Variants in ATP1A3 observed in about 807,000 individuals in gnomAD.
ATP1A3 encodes ATPase Na+/K+ transporting subunit alpha 3, also known as sodium/potassium-transporting ATPase subunit alpha-3.
ATP1A3 carries 12 observed loss-of-function variants against 108.8 expected under a neutral mutation model. The ratio of observed to expected loss-of-function variants is 0.11; its 90% CI spans 0.07 to 0.18. The LOEUF is 0.18. Ranked by LOEUF, ATP1A3 falls within the 10% of genes least tolerant of loss-of-function variation. The pLI is 1.00. For synonymous variants in ATP1A3, 539 were observed against 564.5 expected, an observed-to-expected ratio of 0.95 and a Z score of 0.64; for missense variants, 498 against 1,387.7, an observed-to-expected ratio of 0.36 and a Z score of 10.19.
chr19:41,983,391 C>G (rs1159647451), intron 8 of ATP1A3, among the ~76,000 whole-genome samples: 2 of 151,598 alleles, frequency 1.3e-5, no homozygotes, highest in African/African-American at 4.8e-5. Flanking sequence ...ATATGGAAAA[C>G]TTCACATAAA....
chr19:41,984,802 C>T, intron 8 of ATP1A3, 116 bp downstream of exon 8: 1 of 1,264,754 alleles, frequency 7.9e-7, no homozygotes, highest in Admixed American at 2.4e-5. Context: ...CGGGTCCAGG[C>T]CTCTAGCCCC....
rs550881791 is a variant in ATP1A3, at chr19:41,967,610, G to T, written c.2921+52C>A. ...AGGTTCAGGCTGAGTCTAAGGGAAG[G>T]CTCCATGGCAGGCGCTGGTGTGGGC... is the stretch of plus-strand genomic sequence containing the variant. On this transcript the variant is annotated intron_variant, in intron 21 of 22. Coordinates refer to ENST00000648268, the MANE Select transcript of ATP1A3 (RefSeq NM_152296.5). The surrounding 1 kb of genome is among the most constrained non-coding windows in gnomAD (Gnocchi z 4.2). 50 of 1,580,544 alleles carry T rather than the reference G, an allele frequency of 3.2e-5. No individual in the cohort carries two copies. In the East Asian group the frequency reaches 9.9e-4, roughly 31 times the overall value.
Position 41,987,930 on chromosome 19 carries a change from A to G in ATP1A3, c.357+6T>C, listed in dbSNP as rs781933232. ...GCCTTGCACAGGGCAGGGTCCAGGC[A>G]CTCACGTTGTCACCAGAGGGGTCGT... On this transcript the variant is annotated splice_donor_region_variant and intron_variant, in intron 4 of 22. Transcript: ENST00000648268. The G allele has an allele frequency of 6.2e-7, 1 of 1,613,134 alleles. No homozygotes were observed. Among genetic ancestry groups the G allele is most frequent in the Non-Finnish European group, 8.5e-7 (1 of 1,179,956 alleles).
chr19:41,990,685 T>C lies in ATP1A3; in HGVS notation c.7-2123A>G, dbSNP rs1275825767. 2.0e-5 allele frequency among the ~76,000 whole-genome samples: 3 copies of C among 151,624 alleles called. No individual in the cohort carries two copies. The East Asian group carries it at 5.8e-4, about 30-fold the overall frequency. ...CTCTCTCTCTCTGTCCATATATATA[T>C]ATATATATATCTGTCTCTTTTTGTA... On this transcript the variant is annotated intron_variant, in intron 1 of 22. Coordinates refer to ENST00000648268, the MANE Select transcript of ATP1A3 (RefSeq NM_152296.5).
At chr19:41,975,830 A>G (rs1238642764) in intron 15 of ATP1A3, 33 bp from the exon 16 acceptor site, 4 of 1,609,118 alleles carry the variant, frequency 2.5e-6, no homozygotes, top group Non-Finnish European at 3.4e-6. Flanking sequence ...TGACACCCAG[A>G]GGCCAGTCCC....
chr19:41,984,237 AT>A (rs2075264657), intron 8 of ATP1A3: 1 of 150,756 alleles, frequency 6.6e-6, no homozygotes, highest in Non-Finnish European at 1.5e-5. Context: ...TTATTTATTT[AT>A]TTTTGAGATG....
chr19:41,970,656 G>T (rs1411135091), intron 16 of ATP1A3, 114 bp from the exon 17 acceptor site: 24 of 1,174,454 alleles, frequency 2.0e-5, no homozygotes, highest in Non-Finnish European at 2.8e-5. Context: ...TTTTGAGACA[G>T]AGTCTCGCTG....
Position 41,970,239 on chromosome 19 carries a change from G to T in ATP1A3, c.2488C>A (p.Arg830=), listed in dbSNP as rs782313309. 4 of 1,614,218 alleles carry T rather than the reference G, an allele frequency of 2.5e-6. No homozygotes were observed. The South Asian group carries it at 3.3e-5, about 13-fold the overall frequency. ...CTCTCATTGACCAATTTGTCCGTCCGCGGGTTCCTGGGCTGTCTCTTCATG... is the reference window on the plus strand; with the variant it reads ...CTCTCATTGACCAATTTGTCCGTCCTCGGGTTCCTGGGCTGTCTCTTCATG... ...DIMKRQPRNP[R]TDKLVNERLI... The change falls in exon 18 of 23, where the codon CGG becomes AGG. Residue 830 remains arginine (R), a synonymous_variant. Transcript: ENST00000648268.
chr19:41,973,554 C>G (rs1249149016), intron 16 of ATP1A3, among the ~76,000 whole-genome samples: 1 of 152,222 alleles, frequency 6.6e-6, no homozygotes, highest in Non-Finnish European at 1.5e-5. Context: ...CCGTGCCTGG[C>G]CCCTGACGGA....
At chr19:41,970,718 G>A (rs973191142) in intron 16 of ATP1A3, among the ~76,000 whole-genome samples, 176 bp from the exon 17 acceptor site, 13 of 139,708 alleles carry the variant, frequency 9.3e-5, no homozygotes, top group Admixed American at 6.8e-4. Context: ...TGCAGGCTCC[G>A]CCTCCCGGGT....
Position 41,984,987 on chromosome 19 carries a change from A to T in ATP1A3, c.924T>A (p.Leu308=). 6.2e-7 allele frequency: 1 copy of T among 1,614,126 alleles called. No homozygotes were observed. ...TGCCGATGAGGAAGATGACAGCCTC[A>T]AGCCAGGTGTATCCGAGAATGAGGG... ...ILSLILGYTW[L]EAVIFLIGII... is the part of the protein sequence containing the mutation. Residue 308 remains leucine (L), a synonymous_variant, in exon 8 of 23, where the codon CTT becomes CTA. Transcript: ENST00000648268.
At chr19:41,986,284 G>T in intron 4 of ATP1A3, 55 bp from the exon 5 acceptor site, 2 of 1,562,060 alleles carry the variant, frequency 1.3e-6, no homozygotes, top group South Asian at 2.2e-5. Context: ...CTCTCCACCA[G>T]TCCCTGCTCG....
Position 41,968,920 on chromosome 19 carries a change from A to C in ATP1A3, c.2689-5T>G. 1 of 1,613,748 alleles carries C rather than the reference A, an allele frequency of 6.2e-7. No homozygotes were observed. On this transcript the variant is annotated splice_polypyrimidine_tract_variant and splice_region_variant and intron_variant, in intron 19 of 22. Transcript: ENST00000648268. This position sits in a 1 kb window ranked among gnomAD's most constrained non-coding sequence, Gnocchi z 5.0. The stretch of plus-strand genomic sequence containing the variant: ...CACCTTCCTCTGCTCGTATGTCTGC[A>C]GGAGCGGTGACCAGGGCACGGGACG...
In ATP1A3 at chr19:41,976,533, G is replaced by T; in HGVS notation, c.1977C>A (p.Asp659Glu). ...TTTGCTCGGAGGTGAAGTCCTTGAG[G>T]TCGGTGCCGTGGATCACGCAGGCCT... The part of the protein sequence containing the change: ...DAKACVIHGT[D>E]LKDFTSEQID... Residue 659 changes from aspartate to glutamate, a missense_variant, in exon 15 of 23, where the codon GAC becomes GAA. Asp to Glu is a conservative substitution (Grantham distance 45, BLOSUM62 2). Coordinates refer to ENST00000648268, the MANE Select transcript of ATP1A3 (RefSeq NM_152296.5). The T allele has an allele frequency of 1.2e-6, 2 of 1,614,186 alleles. No homozygotes were observed. Among genetic ancestry groups the T allele is most frequent in the Non-Finnish European group, 1.7e-6 (2 of 1,180,034 alleles).
intron 1 of ATP1A3, among the ~76,000 whole-genome samples, chr19:41,991,405 C>T (rs1478872442): frequency 6.6e-6 from 1 of 152,150 alleles, no homozygotes; most frequent in Non-Finnish European, 1.5e-5. Context: ...AGCAGCACTG[C>T]GTCTCAGATG....
At position 41,966,699 on chromosome 19, in the gene ATP1A3, A is replaced by C; in HGVS notation, c.*238T>G. The stretch of plus-strand genomic sequence containing the variant: ...GGTGGCTGGGGCGGGAGGAATGGAT[A>C]GAGGGGTGAGGAGAGGGAGAGAAAC... On this transcript the variant is annotated 3_prime_UTR_variant, in exon 23 of 23. Coordinates refer to ENST00000648268, the MANE Select transcript of ATP1A3 (RefSeq NM_152296.5). 1 of 1,532,744 alleles carries C rather than the reference A, an allele frequency of 6.5e-7. No homozygotes were observed. The highest frequency in any genetic ancestry group is 8.8e-7 in the Non-Finnish European group (1 of 1,136,304). The allele number at this position is 1,532,744 out of a possible 1,614,324, so 94.9% of individuals were successfully genotyped here.
At chr19:41,993,501 G>GCACACACA (rs4060828) in intron 1 of ATP1A3, 31 of 678,386 alleles carry the variant, frequency 4.6e-5, no homozygotes, top group African/African-American at 3.1e-4. Context: ...TGCGGAGCCT[G>GCACACACA]CACACACACA....
chr19:41,970,117 A>G (rs1397205896), intron 18 of ATP1A3, 68 bp downstream of exon 18: 1 of 1,613,340 alleles, frequency 6.2e-7, no homozygotes, highest in Admixed American at 1.7e-5. Flanking sequence ...CCAAGCACCC[A>G]CGGTGGGCCA....
At chr19:41,974,369 G>A (rs1292491218) in intron 16 of ATP1A3, among the ~76,000 whole-genome samples, 1 of 152,146 alleles carries the variant, frequency 6.6e-6, no homozygotes, top group Non-Finnish European at 1.5e-5. Flanking sequence ...ATTAAGTCCC[G>A]GAGGTGGAGG....
Sources: allele counts gnomAD v4.1 joint callset (sites outside exome capture counted in the v4.1 genomes callset), GRCh38; gene constraint gnomAD v4.1.1; non-coding constraint Gnocchi (gnomAD v3.1); transcripts MANE v1.5; gene names NCBI Gene and HGNC (gene_info 2026-07-23, HGNC 2026-07-21).